Variants in HOXD1 observed in about 807,000 individuals in gnomAD.
The protein encoded by HOXD1 is homeobox protein Hox-D1.
HOXD1 carries 17 observed loss-of-function variants against 19.9 expected under a neutral mutation model. The ratio of observed to expected loss-of-function variants is 0.85; its 90% confidence interval spans 0.58 to 1.28. HOXD1 has a LOEUF of 1.28. Among genes scored for constraint, HOXD1 ranks in the 50% most tolerant of loss-of-function variants. The pLI is 0.00. For synonymous variants in HOXD1, 239 were observed against 216.0 expected, an observed-to-expected ratio of 1.11 and a Z score of -0.93; for missense variants, 500 against 460.1, an observed-to-expected ratio of 1.09 and a Z score of -0.79.
rs1357948857 is a variant in HOXD1, at chr2:176,190,047, C to T, written c.892C>T (p.Pro298Ser). The T allele has an allele frequency of 6.2e-7, 1 of 1,613,912 alleles. No homozygotes were observed. Among genetic ancestry groups the T allele is most frequent in the South Asian group, 1.1e-5 (1 of 91,070 alleles). The change falls in exon 2 of 2, where the codon CCT becomes TCT. Residue 298 changes from proline to serine, a missense_variant. By Grantham distance (74) the Pro-to-Ser change is moderately conservative (BLOSUM62 -1). Coordinates refer to ENST00000331462, the MANE Select transcript of HOXD1 (RefSeq NM_024501.3). ...AGAAGGGCTTCTGGCCACGGCCATT[C>T]CTGTGGCTCCCCTCCAACTTCCCCT... ...EREGLLATAI[P>S]VAPLQLPLSG...
At position 176,189,880 on chromosome 2, in the gene HOXD1, C is replaced by T. The variant is rs1559154984; in HGVS notation, c.725C>T (p.Thr242Ile). The change falls in exon 2 of 2, where the codon ACA becomes ATA. Residue 242 changes from threonine to isoleucine, a missense_variant. By Grantham distance (89) the Thr-to-Ile change is moderately conservative. Transcript: ENST00000331462. ...IRTNFSTKQL[T>I]ELEKEFHFNK... ...ACGAATTTCAGCACCAAGCAACTGA[C>T]AGAACTGGAAAAAGAGTTTCATTTC... The T allele has an allele frequency of 6.2e-7, 1 of 1,614,184 alleles. No individual in the cohort carries two copies.
Position 176,189,075 on chromosome 2 carries a change from G to T in HOXD1, c.274G>T (p.Glu92Ter). Reference sequence around the variant, plus strand: ...GCAGTGCACCCTGGAGGGGGCCTACGAACCTGGTGCCGCACCTGCCGCGGC... The same window carrying T: ...GCAGTGCACCCTGGAGGGGGCCTACTAACCTGGTGCCGCACCTGCCGCGGC... ...YAQCTLEGAYEPGAAPAAAAG... is the reference protein window; with the variant it reads ...YAQCTLEGAY The change falls in exon 1 of 2, where the codon GAA becomes TAA. Residue 92 changes from glutamate (E) to a stop codon, truncating the protein, a stop_gained. Transcript: ENST00000331462. LOFTEE classifies it high-confidence loss of function. 1 of 1,489,388 alleles carries T rather than the reference G, an allele frequency of 6.7e-7. No individual in the cohort carries two copies. Among genetic ancestry groups the T allele is most frequent in the South Asian group, 1.4e-5 (1 of 73,746 alleles). 92.3% of individuals were successfully genotyped at this position (1,489,388 alleles called of 1,614,324 possible). A position where few individuals can be genotyped will look rare whatever the true frequency, so the allele number is the denominator to read the frequency against.
rs1455978518 is a variant in HOXD1 at position 176,189,091 on chromosome 2, C to A, written c.290C>A (p.Pro97His). The change falls in exon 1 of 2, where the codon CCT becomes CAT. Residue 97 changes from proline (P) to histidine (H), a missense_variant. Transcript: ENST00000331462. Reference sequence around the variant, plus strand: ...GGGGCCTACGAACCTGGTGCCGCACCTGCCGCGGCAGCTGGGGGCGCGGAC... The same window carrying A: ...GGGGCCTACGAACCTGGTGCCGCACATGCCGCGGCAGCTGGGGGCGCGGAC... ...LEGAYEPGAA[P>H]AAAAGGADYG... 1 of 1,511,210 alleles carries A rather than the reference C, an allele frequency of 6.6e-7. No individual in the cohort carries two copies. The highest frequency in any genetic ancestry group is 8.8e-7 in the Non-Finnish European group (1 of 1,138,322). 93.6% of individuals were successfully genotyped at this position (1,511,210 alleles called of 1,614,324 possible).
In HOXD1 at chr2:176,190,840, C is replaced by G. The variant is rs1691782145; in HGVS notation, c.*698C>G. 1 of 152,430 alleles carries G rather than the reference C, an allele frequency of 6.6e-6. No homozygotes were observed. Among genetic ancestry groups the G allele is most frequent in the Admixed American group, 6.6e-5 (1 of 15,256 alleles). 9.4% of individuals were successfully genotyped at this position (152,430 alleles called of 1,614,324 possible). A position where few individuals can be genotyped will look rare whatever the true frequency, so the allele number is the denominator to read the frequency against. Reference sequence around the variant, plus strand: ...TTTAAAAAGATTTGCTTGCAATGACCTTATAAGTGACATTTAATGTCATAG... The same window carrying G: ...TTTAAAAAGATTTGCTTGCAATGACGTTATAAGTGACATTTAATGTCATAG... On this transcript the variant is annotated 3_prime_UTR_variant, in exon 2 of 2. Coordinates refer to ENST00000331462, the MANE Select transcript of HOXD1 (RefSeq NM_024501.3).
chr2:176,189,164 G>A lies in HOXD1; in HGVS notation c.363G>A (p.Leu121=), dbSNP rs574612681. 5 of 1,547,622 alleles carry A rather than the reference G, an allele frequency of 3.2e-6. No individual in the cohort carries two copies. Among genetic ancestry groups the A allele is most frequent in the Non-Finnish European group, 4.3e-6 (5 of 1,154,126 alleles). ...SGPAYDFPGV[L]GRAADDGGSH... The stretch of plus-strand genomic sequence containing the variant: ...CGGCGTACGACTTCCCGGGCGTGCT[G>A]GGGCGGGCGGCCGACGACGGCGGGT... Residue 121 remains leucine, a synonymous_variant, in exon 1 of 2, where the codon CTG becomes CTA. Transcript: ENST00000331462.
At chr2:176,189,753 C>T (rs1691753685) in intron 1 of HOXD1, 55 bp from the exon 2 acceptor site, 1 of 1,609,716 alleles carries the variant, frequency 6.2e-7, no homozygotes, top group Middle Eastern at 1.7e-4. Context: ...CCACTGCTCA[C>T]CCACATTCTG....
Position 176,190,844 on chromosome 2 carries a change from T to C in HOXD1, c.*702T>C, listed in dbSNP as rs1210537331. On this transcript the variant is annotated 3_prime_UTR_variant, in exon 2 of 2. Coordinates refer to ENST00000331462, the MANE Select transcript of HOXD1 (RefSeq NM_024501.3). ...AAAAGATTTGCTTGCAATGACCTTA[T>C]AAGTGACATTTAATGTCATAGCATG... 6.6e-5 allele frequency: 10 copies of C among 152,642 alleles called. No homozygotes were observed. Among genetic ancestry groups the C allele is most frequent in the African/African-American group, 1.7e-4 (7 of 41,460 alleles). 9.5% of individuals were successfully genotyped at this position (152,642 alleles called of 1,614,324 possible). A position where few individuals can be genotyped will look rare whatever the true frequency, so the allele number is the denominator to read the frequency against.
In HOXD1 at chr2:176,188,965, C is replaced by G. The variant is rs759559182; in HGVS notation, c.164C>G (p.Pro55Arg). 1 of 1,502,240 alleles carries G rather than the reference C, an allele frequency of 6.7e-7. No homozygotes were observed. The allele number at this position is 1,502,240 out of a possible 1,614,324, so 93.1% of individuals were successfully genotyped here. ...GACGGCGCCTTCGTCAGCTGTCTGCCCCTGGCCGCCGCCCGACCCTCGCCT... is the reference window on the plus strand; with the variant it reads ...GACGGCGCCTTCGTCAGCTGTCTGCGCCTGGCCGCCGCCCGACCCTCGCCT... Reference protein sequence around the residue: ...NGDGAFVSCLPLAAARPSPSP... With the variant: ...NGDGAFVSCLRLAAARPSPSP... Residue 55 changes from proline to arginine, a missense_variant, in exon 1 of 2, where the codon CCC becomes CGC. Transcript: ENST00000331462.
rs1056098610 is a variant in HOXD1, at chr2:176,189,395, C to A, written c.594C>A (p.Leu198=). The A allele has an allele frequency of 1.9e-6, 3 of 1,613,144 alleles. No homozygotes were observed. Among genetic ancestry groups the A allele is most frequent in the Non-Finnish European group, 2.5e-6 (3 of 1,180,004 alleles). ...AGTCCGTCTCTCCCGCCTCCGGCCTCCCTGCCGCCTTCAGCACGTTCGAGT... is the reference window on the plus strand; with the variant it reads ...AGTCCGTCTCTCCCGCCTCCGGCCTACCTGCCGCCTTCAGCACGTTCGAGT... ...YPKSVSPASG[L]PAAFSTFEWM... The change falls in exon 1 of 2, where the codon CTC becomes CTA. Residue 198 remains leucine, a synonymous_variant. Coordinates refer to ENST00000331462, the MANE Select transcript of HOXD1 (RefSeq NM_024501.3).
chr2:176,190,152 T>C lies in HOXD1; in HGVS notation c.*10T>C. The C allele has an allele frequency of 6.4e-7, 1 of 1,563,912 alleles. No individual in the cohort carries two copies. The highest frequency in any genetic ancestry group is 8.7e-7 in the Non-Finnish European group (1 of 1,153,782). On this transcript the variant is annotated 3_prime_UTR_variant, in exon 2 of 2. Coordinates refer to ENST00000331462, the MANE Select transcript of HOXD1 (RefSeq NM_024501.3). ...CCAAGAGCCTTCGTGAGGCCGGTAC[T>C]TGGGGCCGAAAAACTGTGGCCTGCA...
Position 176,189,297 on chromosome 2 carries a change from T to C in HOXD1, c.496T>C (p.Cys166Arg), listed in dbSNP as rs1339481808. The change falls in exon 1 of 2, where the codon TGT becomes CGT. Residue 166 changes from cysteine to arginine, a missense_variant. Coordinates refer to ENST00000331462, the MANE Select transcript of HOXD1 (RefSeq NM_024501.3). The part of the protein sequence containing the change: ...AFGEPGPFPA[C>R]LKASADGHPG... Reference sequence around the variant, plus strand: ...CGGCGAACCCGGCCCTTTTCCGGCTTGTCTCAAAGCGTCAGCCGACGGCCA... The same window carrying C: ...CGGCGAACCCGGCCCTTTTCCGGCTCGTCTCAAAGCGTCAGCCGACGGCCA... The C allele has an allele frequency of 6.2e-7, 1 of 1,610,092 alleles. No homozygotes were observed. Among genetic ancestry groups the C allele is most frequent in the Non-Finnish European group, 8.5e-7 (1 of 1,178,872 alleles).
Position 176,190,371 on chromosome 2 carries a change from C to A in HOXD1, c.*229C>A. Reference sequence around the variant, plus strand: ...TGTTTGGTTATGATTTGTGTCTTATCAGGGAAAAGGTGCCCAGCTGCCAGC... The same window carrying A: ...TGTTTGGTTATGATTTGTGTCTTATAAGGGAAAAGGTGCCCAGCTGCCAGC... On this transcript the variant is annotated 3_prime_UTR_variant, in exon 2 of 2. Transcript: ENST00000331462. The A allele has an allele frequency of 1.9e-6, 1 of 529,842 alleles. No homozygotes were observed. Among genetic ancestry groups the A allele is most frequent in the Non-Finnish European group, 3.3e-6 (1 of 302,404 alleles). 32.8% of individuals were successfully genotyped at this position (529,842 alleles called of 1,614,324 possible). A position where few individuals can be genotyped will look rare whatever the true frequency, so the allele number is the denominator to read the frequency against.
At chr2:176,189,707 A>C in intron 1 of HOXD1, 101 bp from the exon 2 acceptor site, 1 of 1,611,712 alleles carries the variant, frequency 6.2e-7, no homozygotes, top group Non-Finnish European at 8.5e-7. Flanking sequence ...CTAGGGACCC[A>C]GGAGGGCTGC....
chr2:176,189,156 G>C lies in HOXD1; in HGVS notation c.355G>C (p.Gly119Arg), dbSNP rs751975369. Residue 119 changes from glycine (G) to arginine (R), a missense_variant, in exon 1 of 2, where the codon GGC becomes CGC. By Grantham distance (125) the Gly-to-Arg change is moderately radical. Transcript: ENST00000331462. ...GTCCGGGCCGGCGTACGACTTCCCG[G>C]GCGTGCTGGGGCGGGCGGCCGACGA... ...LGSGPAYDFP[G>R]VLGRAADDGG... 1.9e-6 allele frequency: 3 copies of C among 1,590,908 alleles called. No homozygotes were observed. Among genetic ancestry groups the C allele is most frequent in the Non-Finnish European group, 2.6e-6 (3 of 1,172,178 alleles).
At chr2:176,189,662 T>C in intron 1 of HOXD1, 146 bp from the exon 2 acceptor site, 1 of 1,584,256 alleles carries the variant, frequency 6.3e-7, no homozygotes, top group Non-Finnish European at 8.6e-7. Context: ...AGGAAGGAGC[T>C]CTCCGTGGAA....
intron 1 of HOXD1, 66 bp from the exon 2 acceptor site, chr2:176,189,742 T>C: frequency 6.2e-7 from 1 of 1,610,452 alleles, no homozygotes; most frequent in Non-Finnish European, 8.5e-7. Flanking sequence ...TCTAACTAGC[T>C]CCACTGCTCA....
intron 1 of HOXD1, 75 bp from the exon 2 acceptor site, chr2:176,189,733 C>T (rs756391337): frequency 3.0e-5 from 48 of 1,611,392 alleles, no homozygotes; most frequent in Non-Finnish European, 3.9e-5. Flanking sequence ...GACTTTGATT[C>T]TAACTAGCTC....
chr2:176,188,688 G>A lies in HOXD1; in HGVS notation c.-114G>A, dbSNP rs1482744818. ...CACTCGCCATGGGTTGGAGAGGGCA[G>A]CTCGGGTAGAGAGGGCTGGCGGAGC... On this transcript the variant is annotated 5_prime_UTR_variant, in exon 1 of 2. Coordinates refer to ENST00000331462, the MANE Select transcript of HOXD1 (RefSeq NM_024501.3). 4.5e-6 allele frequency: 5 copies of A among 1,117,646 alleles called. No individual in the cohort carries two copies. In the South Asian group the frequency reaches 5.4e-5, roughly 12 times the overall value. 69.2% of individuals were successfully genotyped at this position (1,117,646 alleles called of 1,614,324 possible).
At chr2:176,189,765 C>A (rs767697725) in intron 1 of HOXD1, 43 bp from the exon 2 acceptor site, 36 of 1,610,446 alleles carry the variant, frequency 2.2e-5, no homozygotes, top group Non-Finnish European at 2.6e-5. Flanking sequence ...CACATTCTGT[C>A]CCCGGCCTCA....
Sources: gnomAD v4.1 joint callset for allele counts on GRCh38, gnomAD v4.1.1 for gene constraint, MANE v1.5 for transcripts, NCBI Gene and HGNC (gene_info 2026-07-23, HGNC 2026-07-21) for gene names.